The following RNGTT variants were observed in gnomAD, a reference collection of about 807,000 sequenced individuals.
RNGTT encodes the protein RNA guanylyltransferase and 5'-phosphatase, also known as mRNA-capping enzyme.
Under a neutral mutation model 79.3 loss-of-function variants are expected in RNGTT, and 33 were observed. That is an observed-to-expected ratio of 0.42 (90% CI 0.32 to 0.56). The LOEUF (loss-of-function observed/expected upper bound fraction) is 0.56. Ranked by LOEUF, RNGTT falls within the 20% of genes least tolerant of loss-of-function variation. The pLI, the probability that RNGTT is intolerant of heterozygous loss-of-function variation, is 0.17. For missense variants in RNGTT, 497 were observed against 739.1 expected, an observed-to-expected ratio of 0.67 and a Z score of 3.80; for synonymous variants, 222 against 235.9, an observed-to-expected ratio of 0.94 and a Z score of 0.54.
At chr6:88,739,930 C>T (rs1777427464) in intron 13 of RNGTT, among the ~76,000 whole-genome samples, 1 of 151,472 alleles carries the variant, frequency 6.6e-6, no homozygotes, top group Admixed American at 6.6e-5. Context: ...TAAAGTAATA[C>T]ATAAAATATG....
intron 11 of RNGTT, among the ~76,000 whole-genome samples, chr6:88,810,949 G>C (rs1189372066): frequency 3.3e-5 from 5 of 152,146 alleles, no homozygotes; most frequent in Non-Finnish European, 1.5e-5. Context: ...ATAAGCCTTG[G>C]CCAATGTGCC....
intron 11 of RNGTT, among the ~76,000 whole-genome samples, chr6:88,822,687 G>A (rs1384765913): frequency 6.6e-6 from 1 of 152,068 alleles, no homozygotes; most frequent in African/African-American, 2.4e-5. Flanking sequence ...TTGCAATAGT[G>A]GCAAATCTAT....
chr6:88,645,405 T>C (rs1235759195), intron 14 of RNGTT, among the ~76,000 whole-genome samples: 1 of 152,164 alleles, frequency 6.6e-6, no homozygotes, highest in East Asian at 1.9e-4. Context: ...GAAGAATCAA[T>C]ATCGTGAAAA....
chr6:88,818,933 T>C (rs1355792337), intron 11 of RNGTT, among the ~76,000 whole-genome samples: 1 of 152,246 alleles, frequency 6.6e-6, no homozygotes, highest in South Asian at 2.1e-4. Flanking sequence ...AAAAGACTTC[T>C]GTTAAACATA....
intron 14 of RNGTT, among the ~76,000 whole-genome samples, chr6:88,675,626 A>G (rs1044529342): frequency 3.3e-5 from 5 of 151,464 alleles, no homozygotes; most frequent in African/African-American, 1.2e-4. Flanking sequence ...TATGTAGATA[A>G]TCCTATGAAA....
intron 1 of RNGTT, among the ~76,000 whole-genome samples, chr6:88,953,357 C>G (rs1785320780): frequency 6.6e-6 from 1 of 151,864 alleles, no homozygotes; most frequent in Admixed American, 6.6e-5. Flanking sequence ...TAGACTAGAA[C>G]AAGTAGAAGA....
intron 12 of RNGTT, among the ~76,000 whole-genome samples, chr6:88,775,722 T>C (rs886481465): frequency 6.6e-6 from 1 of 152,212 alleles, no homozygotes; most frequent in African/African-American, 2.4e-5. Flanking sequence ...AGCTTCATAA[T>C]AGGTGTTTTT....
intron 13 of RNGTT, among the ~76,000 whole-genome samples, chr6:88,703,992 G>T (rs1346899989): frequency 6.6e-6 from 1 of 152,142 alleles, no homozygotes; most frequent in African/African-American, 2.4e-5. Flanking sequence ...GGGTGCGGTG[G>T]CTCACGCCTG....
At chr6:88,915,193 G>A (rs1408470768) in intron 4 of RNGTT, among the ~76,000 whole-genome samples, 1 of 152,194 alleles carries the variant, frequency 6.6e-6, no homozygotes, top group Non-Finnish European at 1.5e-5. Context: ...TTTAGTCACT[G>A]TGGAAAGCAA....
intron 14 of RNGTT, among the ~76,000 whole-genome samples, chr6:88,653,151 C>CA (rs1253772329): frequency 6.6e-6 from 1 of 152,104 alleles, no homozygotes; most frequent in Non-Finnish European, 1.5e-5. Context: ...AAGAAAACAA[C>CA]AGGATAAGAA....
At chr6:88,742,875 T>C (rs1777540334) in intron 13 of RNGTT, among the ~76,000 whole-genome samples, 1 of 152,186 alleles carries the variant, frequency 6.6e-6, no homozygotes, top group Admixed American at 6.6e-5. Context: ...ATTATTTATA[T>C]TTACATGCAA....
At chr6:88,963,316 G>A (rs773672386) in intron 1 of RNGTT, 30 bp downstream of exon 1, 4 of 1,611,174 alleles carry the variant, frequency 2.5e-6, no homozygotes, top group African/African-American at 1.3e-5. Flanking sequence ...TTGGAGTGTG[G>A]GGATTCGAAC....
intron 11 of RNGTT, among the ~76,000 whole-genome samples, chr6:88,812,557 C>T (rs896638095): frequency 2.6e-5 from 4 of 152,208 alleles, no homozygotes; most frequent in African/African-American, 7.2e-5. Context: ...AAAGAGTTTA[C>T]TCCATGTCTA....
At chr6:88,676,261 T>C (rs1213184824) in intron 14 of RNGTT, among the ~76,000 whole-genome samples, 3 of 152,090 alleles carry the variant, frequency 2.0e-5, no homozygotes, top group African/African-American at 7.2e-5. Context: ...CATATATGGA[T>C]AAACTGATTT....
In RNGTT at chr6:88,806,318, C is replaced by CT. The variant is rs896456612; in HGVS notation, c.1270-4687dup. On this transcript the variant is annotated intron_variant, in intron 11 of 15. Transcript: ENST00000369485. Reference sequence around the variant, plus strand: ...AACGTTGTCGAGAAAAAGGAACACGCTTTTTTTTTTTTTTTTTGAGATGGA... The same window carrying CT: ...AACGTTGTCGAGAAAAAGGAACACGCTTTTTTTTTTTTTTTTTTGAGATGGA... Among the ~76,000 whole-genome samples, 829 of 135,570 alleles carry CT rather than the reference C, an allele frequency of 6.1e-3. 8 individuals are homozygous for CT. The highest frequency in any genetic ancestry group is 0.056 in the East Asian group (263 of 4,728). The allele number at this position is 135,570 out of a possible 152,430, so 88.9% of individuals were successfully genotyped here. A position where few individuals can be genotyped will look rare whatever the true frequency, so the allele number is the denominator to read the frequency against.
chr6:88,906,651 T>G (rs1239924361), intron 4 of RNGTT, among the ~76,000 whole-genome samples: 2 of 152,158 alleles, frequency 1.3e-5, no homozygotes, highest in Non-Finnish European at 2.9e-5. Context: ...AGTTTAAGTG[T>G]AATATATAGG....
Position 88,617,867 on chromosome 6 carries a change from T to TTA in RNGTT, c.1507-3473_1507-3472insTA, listed in dbSNP as rs552863024. Among the ~76,000 whole-genome samples, 654 of 146,134 alleles carry TTA rather than the reference T, an allele frequency of 4.5e-3. 2 individuals are homozygous for TTA. The highest frequency in any genetic ancestry group is 0.015 in the African/African-American group (618 of 40,350). ...CTTTCAGCAAGAAACACTGCTTAAT[T>TTA]AAAAAAAAAAAACCTTAGAAGTAAA... is the stretch of plus-strand genomic sequence containing the variant. On this transcript the variant is annotated intron_variant, in intron 14 of 15. Coordinates refer to ENST00000369485, the MANE Select transcript of RNGTT (RefSeq NM_003800.5).
intron 12 of RNGTT, among the ~76,000 whole-genome samples, chr6:88,784,486 G>A (rs772304367): frequency 6.6e-6 from 1 of 152,216 alleles, no homozygotes; most frequent in Middle Eastern, 3.4e-3. Flanking sequence ...AAGGATAAAT[G>A]GGAGTAATAT....
intron 12 of RNGTT, among the ~76,000 whole-genome samples, chr6:88,789,279 G>A (rs1162896543): frequency 3.3e-5 from 5 of 152,122 alleles, no homozygotes; most frequent in East Asian, 1.9e-4. Flanking sequence ...AAATTAGGCC[G>A]GGTGTGTTAA....
Sources: gnomAD v4.1 joint callset for allele counts (sites outside exome capture counted in the v4.1 genomes callset) on GRCh38, gnomAD v4.1.1 for gene constraint, MANE v1.5 for transcripts, NCBI Gene and HGNC (gene_info 2026-07-23, HGNC 2026-07-21) for gene names.